The following SLC27A6 variants were observed in gnomAD, a reference collection of about 807,000 sequenced individuals.
SLC27A6 encodes the protein solute carrier family 27 member 6, also known as long-chain fatty acid transport protein 6.
Under a neutral mutation model 63.9 loss-of-function variants are expected in SLC27A6, and 74 were observed. The observed-to-expected ratio is 1.16, with a 90% CI of 0.96 to 1.40. SLC27A6 has a LOEUF of 1.40. Ranked by LOEUF, SLC27A6 falls within the 40% of genes most tolerant of loss-of-function variation. SLC27A6 has a pLI of 0.00. For missense variants in SLC27A6, 794 were observed against 732.9 expected, an observed-to-expected ratio of 1.08 and a Z score of -0.96; for synonymous variants, 287 against 260.8, an observed-to-expected ratio of 1.10 and a Z score of -0.97.
Position 129,001,418 on chromosome 5 carries a change from G to C in SLC27A6, c.969+10954G>C, listed in dbSNP as rs375018553. ...CAGTGTATAATATTGGAGTGTCTGT[G>C]AAGAAAGCAAACTGTTGGAATGTTT... On this transcript the variant is annotated intron_variant, in intron 4 of 9. Transcript: ENST00000262462. 1.3e-4 allele frequency among the ~76,000 whole-genome samples: 20 copies of C among 152,280 alleles called. 1 individual carries two copies. The highest frequency in any genetic ancestry group is 4.8e-4 in the African/African-American group (20 of 41,558).
chr5:129,030,068 GAGATGGCA>G (rs1011958481), intron 9 of SLC27A6, among the ~76,000 whole-genome samples: 1 of 151,978 alleles, frequency 6.6e-6, no homozygotes, highest in Non-Finnish European at 1.5e-5. Context: ...AGACATCAAA[GAGATGGCA>G]AGATGTGTGC....
At chr5:128,976,346 T>G (rs2150129625) in intron 1 of SLC27A6, among the ~76,000 whole-genome samples, 1 of 152,212 alleles carries the variant, frequency 6.6e-6, no homozygotes. Flanking sequence ...CCATCTCTAC[T>G]AAAAATACAA....
rs1057513264 is a variant in SLC27A6 at position 129,033,101 on chromosome 5, T to A, written c.1684-5T>A. 1 of 1,600,182 alleles carries A rather than the reference T, an allele frequency of 6.2e-7. No homozygotes were observed. Among genetic ancestry groups the A allele is most frequent in the Admixed American group, 1.7e-5 (1 of 58,644 alleles). ...ATTCTACTCATCCTGGTAATTGCTTTACAGGAAAAAATGGAAGCAACAGGA... is the reference window on the plus strand; with the variant it reads ...ATTCTACTCATCCTGGTAATTGCTTAACAGGAAAAAATGGAAGCAACAGGA... On this transcript the variant is annotated splice_polypyrimidine_tract_variant and splice_region_variant and intron_variant, in intron 9 of 9. Coordinates refer to ENST00000262462, the MANE Select transcript of SLC27A6 (RefSeq NM_001017372.3).
At chr5:128,971,229 AT>A (rs989690310) in intron 1 of SLC27A6, among the ~76,000 whole-genome samples, 22 of 152,140 alleles carry the variant, frequency 1.4e-4, no homozygotes, top group Admixed American at 6.6e-5. Context: ...AAGAATGTAT[AT>A]TCTGTTGATT....
At position 129,029,705 on chromosome 5, in the gene SLC27A6, C is replaced by T; in HGVS notation, c.1681C>T (p.Gln561Ter). The T allele has an allele frequency of 6.3e-7, 1 of 1,593,560 alleles. No individual in the cohort carries two copies. The highest frequency in any genetic ancestry group is 8.5e-7 in the Non-Finnish European group (1 of 1,173,952). ...AYACPRFLRI[Q>*]EKMEATGTFK... ...TGCTTGTCCACGATTTTTAAGAATTCAGGTAATTTTAGTGGCGGAGTTTAC... is the reference window on the plus strand; with the variant it reads ...TGCTTGTCCACGATTTTTAAGAATTTAGGTAATTTTAGTGGCGGAGTTTAC... The change falls in exon 9 of 10, where the codon CAG (glutamine) becomes TAG (stop). Residue 561 changes from glutamine (Q) to a stop codon, truncating the protein, a stop_gained and splice_region_variant. Coordinates refer to ENST00000262462, the MANE Select transcript of SLC27A6 (RefSeq NM_001017372.3). LOFTEE classifies it high-confidence loss of function.
chr5:128,988,318 T>A (rs1381954930), intron 2 of SLC27A6, among the ~76,000 whole-genome samples: 1 of 152,204 alleles, frequency 6.6e-6, no homozygotes, highest in Non-Finnish European at 1.5e-5. Flanking sequence ...GTAATTAATT[T>A]CTAGAATCTT....
intron 9 of SLC27A6, 110 bp downstream of exon 9, chr5:129,029,817 G>A (rs1752360361): frequency 3.1e-6 from 3 of 964,692 alleles, no homozygotes; most frequent in African/African-American, 3.4e-5. Context: ...TATGTGAGAG[G>A]CGTGGCGTGT....
chr5:129,017,564 ATGTT>A (rs755683340), intron 5 of SLC27A6, among the ~76,000 whole-genome samples: 3 of 152,238 alleles, frequency 2.0e-5, no homozygotes, highest in South Asian at 4.1e-4. Flanking sequence ...CATAGAAAAA[ATGTT>A]TGGTGATGAA....
chr5:129,025,226 A>G (rs897721107), intron 6 of SLC27A6, among the ~76,000 whole-genome samples: 1 of 152,166 alleles, frequency 6.6e-6, no homozygotes, highest in African/African-American at 2.4e-5. Context: ...TCACAATGTA[A>G]ATTATGCCCA....
At chr5:128,985,854 C>T (rs1028538772) in intron 2 of SLC27A6, among the ~76,000 whole-genome samples, 9 of 152,154 alleles carry the variant, frequency 5.9e-5, no homozygotes, top group African/African-American at 2.2e-4. Flanking sequence ...AATTTAAGCA[C>T]CTGTTGCTGG....
chr5:129,033,107 A>T lies in SLC27A6; in HGVS notation c.1685A>T (p.Glu562Val). The change falls in exon 10 of 10, where the codon GAA (glutamate) becomes GTA (valine). Residue 562 changes from glutamate (E) to valine (V), a missense_variant and splice_region_variant. Transcript: ENST00000262462. Reference sequence around the variant, plus strand: ...CTCATCCTGGTAATTGCTTTACAGGAAAAAATGGAAGCAACAGGAACATTC... The same window carrying T: ...CTCATCCTGGTAATTGCTTTACAGGTAAAAATGGAAGCAACAGGAACATTC... ...YACPRFLRIQEKMEATGTFKL... is the reference protein window; with the variant it reads ...YACPRFLRIQVKMEATGTFKL... 1 of 1,600,970 alleles carries T rather than the reference A, an allele frequency of 6.2e-7. No individual in the cohort carries two copies. The highest frequency in any genetic ancestry group is 1.3e-5 in the African/African-American group (1 of 74,596).
intron 6 of SLC27A6, 60 bp from the exon 7 acceptor site, chr5:129,027,073 A>G (rs1001467122): frequency 1.1e-5 from 14 of 1,329,146 alleles, no homozygotes; most frequent in South Asian, 2.4e-5. Context: ...AGATACATTC[A>G]TGGTGTGTGT....
intron 1 of SLC27A6, among the ~76,000 whole-genome samples, chr5:128,974,843 T>A (rs1208441410): frequency 6.6e-6 from 1 of 152,212 alleles, no homozygotes; most frequent in African/African-American, 2.4e-5. Flanking sequence ...ATTCTGAGGA[T>A]TAAATGACAC....
Position 128,988,589 on chromosome 5 carries a change from T to G in SLC27A6, c.686-11T>G, listed in dbSNP as rs200286651. ...TGTATATATATTTCCTGTTCTTTTC[T>G]TTTCTTCCAGGTCTACCAAAAGCAG... On this transcript the variant is annotated splice_polypyrimidine_tract_variant and intron_variant, in intron 2 of 9. Transcript: ENST00000262462. The G allele has an allele frequency of 9.6e-5, 155 of 1,612,024 alleles. No homozygotes were observed. The highest frequency in any genetic ancestry group is 1.2e-4 in the Non-Finnish European group (138 of 1,178,820).
chr5:128,973,700 A>G (rs1310700724), intron 1 of SLC27A6, among the ~76,000 whole-genome samples: 7 of 152,202 alleles, frequency 4.6e-5, no homozygotes, highest in Non-Finnish European at 1.0e-4. Context: ...TGGCTGGGAA[A>G]GGGAATTCCC....
At chr5:129,027,481 G>C in intron 7 of SLC27A6, 150 bp downstream of exon 7, 1 of 618,372 alleles carries the variant, frequency 1.6e-6, no homozygotes, top group Non-Finnish European at 2.9e-6. Context: ...TTGGCCATCT[G>C]TTTCTAGACT....
chr5:128,988,615 C>G lies in SLC27A6; in HGVS notation c.701C>G (p.Ala234Gly). Residue 234 changes from alanine to glycine, a missense_variant, in exon 3 of 10, where the codon GCT becomes GGT. Ala to Gly is a moderately conservative substitution (Grantham distance 60, BLOSUM62 0). Transcript: ENST00000262462. The stretch of plus-strand genomic sequence containing the variant: ...TTTCTTCCAGGTCTACCAAAAGCAG[C>G]TGTGATTAGTCAGCTGCAGGTTTTA... ...TSGTTGLPKAAVISQLQVLRG... is the reference protein window; with the variant it reads ...TSGTTGLPKAGVISQLQVLRG... 3 of 1,613,868 alleles carry G rather than the reference C, an allele frequency of 1.9e-6. No homozygotes were observed. Among genetic ancestry groups the G allele is most frequent in the Non-Finnish European group, 2.5e-6 (3 of 1,179,878 alleles).
chr5:128,985,033 A>G (rs1750738957), intron 1 of SLC27A6, 100 bp from the exon 2 acceptor site: 16 of 759,564 alleles, frequency 2.1e-5, no homozygotes, highest in Admixed American at 1.7e-4. Flanking sequence ...TCAGCATTTT[A>G]TTTACATTTT....
chr5:129,028,551 A>C, intron 8 of SLC27A6, 109 bp downstream of exon 8: 1 of 654,308 alleles, frequency 1.5e-6, no homozygotes, highest in Non-Finnish European at 2.6e-6. Context: ...GTGTATTAAG[A>C]TAAAGATTTT....
Sources: allele counts gnomAD v4.1 joint callset (sites outside exome capture counted in the v4.1 genomes callset), GRCh38; gene constraint gnomAD v4.1.1; transcripts MANE v1.5; gene names NCBI Gene and HGNC (gene_info 2026-07-23, HGNC 2026-07-21).